MYH7: variants seen among roughly 807,000 people sequenced by gnomAD.
The protein encoded by MYH7 is myosin heavy chain 7, also known as myosin-7.
Under a neutral mutation model 225.4 loss-of-function variants are expected in MYH7, and 129 were observed. That is an observed-to-expected ratio of 0.57 (90% CI 0.50 to 0.66). MYH7 has a LOEUF of 0.66. Ranked by LOEUF, MYH7 falls within the 30% of genes least tolerant of loss-of-function variation. MYH7 has a pLI of 0.00. For missense variants in MYH7, 1,649 were observed against 2,517.0 expected, an observed-to-expected ratio of 0.66 and a Z score of 7.38; for synonymous variants, 971 against 1,007.6, an observed-to-expected ratio of 0.96 and a Z score of 0.69.
chr14:23,413,536 C>T (rs1892053920), intron 39 of MYH7, among the ~76,000 whole-genome samples: 1 of 149,030 alleles, frequency 6.7e-6, no homozygotes, highest in African/African-American at 2.5e-5. Flanking sequence ...CACTGCACTC[C>T]AGCCTGGGCG....
intron 1 of MYH7, 51 bp downstream of exon 1, chr14:23,435,569 A>G (rs1202647213): frequency 1.3e-5 from 2 of 152,372 alleles, no homozygotes. Flanking sequence ...ATCCCTTCCT[A>G]AGCCTGGAGC....
chr14:23,424,800 T>C lies in MYH7; in HGVS notation c.2648A>G (p.Glu883Gly). 1 of 1,614,190 alleles carries C rather than the reference T, an allele frequency of 6.2e-7. No homozygotes were observed. The highest frequency in any genetic ancestry group is 8.5e-7 in the Non-Finnish European group (1 of 1,180,038). ...LEEKMVSLLQ[E>G]KNDLQLQVQA... ...CACTTGGAGCTGCAGGTCATTCTTCTCCTGCAGCAGGGACACCATCTTCTC... is the reference window on the plus strand; with the variant it reads ...CACTTGGAGCTGCAGGTCATTCTTCCCCTGCAGCAGGGACACCATCTTCTC... Residue 883 changes from glutamate to glycine, a missense_variant, in exon 22 of 40, where the codon GAG (glutamate) becomes GGG (glycine). Physicochemically the swap from Glu to Gly is moderately conservative, Grantham distance 98. Around this residue, in one of 12 missense-constraint regions of MYH7, gnomAD observed 282 missense variants for 315.3 expected, o/e 0.89. Transcript: ENST00000355349.
At chr14:23,427,209 G>T (rs376685606) in intron 17 of MYH7, 31 bp downstream of exon 17, 3 of 1,611,850 alleles carry the variant, frequency 1.9e-6, no homozygotes, top group African/African-American at 1.3e-5. Context: ...CAGATGGGGA[G>T]CCAAGTTGGC....
chr14:23,420,921 A>G, intron 26 of MYH7, 37 bp downstream of exon 26: 2 of 1,539,612 alleles, frequency 1.3e-6, no homozygotes, highest in Non-Finnish European at 1.8e-6. Context: ...GAACCAGCCC[A>G]GGGACTCAGC....
At position 23,413,788 on chromosome 14, in the gene MYH7, G is replaced by C. The variant is rs539290591; in HGVS notation, c.5761C>G (p.Arg1921Gly). 6.2e-7 allele frequency: 1 copy of C among 1,614,222 alleles called. No individual in the cohort carries two copies. The highest frequency in any genetic ancestry group is 8.5e-7 in the Non-Finnish European group (1 of 1,180,046). Residue 1921 changes from arginine (R) to glycine (G), a missense_variant, in exon 39 of 40, where the codon CGG becomes GGG. By Grantham distance (125) the Arg-to-Gly change is moderately radical. This residue lies in a region of MYH7 where 687 missense variants were observed against 913.8 expected (regional missense o/e 0.75). Coordinates refer to ENST00000355349, the MANE Select transcript of MYH7 (RefSeq NM_000257.4). ...GTGCCAATGTCACGGCTCTTGGCCC[G>C]CAGCTTGTTGACCTGGGACTCGGCG... ...DIAESQVNKL[R>G]AKSRDIGTKG... is the part of the protein sequence containing the mutation.
intron 15 of MYH7, 60 bp from the exon 16 acceptor site, chr14:23,427,954 C>T: frequency 6.2e-7 from 1 of 1,602,772 alleles, no homozygotes; most frequent in African/African-American, 1.3e-5. Context: ...ATGGATTCTG[C>T]TCTATGGTCA....
At chr14:23,435,142 C>A (rs1286687915) in intron 1 of MYH7, among the ~76,000 whole-genome samples, 1 of 152,088 alleles carries the variant, frequency 6.6e-6, no homozygotes, top group African/African-American at 2.4e-5. Flanking sequence ...AGACAAGAAC[C>A]TCTGCATGCA....
At position 23,420,957 on chromosome 14, in the gene MYH7, C is replaced by G. The variant is rs1892449432; in HGVS notation, c.3336+1G>C. ...ATCCCGCGTGGGTGTCCAGACCTCA[C>G]CTGAAGCTCCTTGAGCTTCTTCTGC... On this transcript the variant is annotated splice_donor_variant, in intron 26 of 39. Transcript: ENST00000355349. LOFTEE classifies it high-confidence loss of function. 6.2e-7 allele frequency: 1 copy of G among 1,611,826 alleles called. No individual in the cohort carries two copies.
In MYH7 at chr14:23,432,021, TGATGCACA is replaced by T. The variant is rs147302843; in HGVS notation, c.531-160_531-153del. 9.7e-4 allele frequency: 784 copies of T among 811,648 alleles called. 9 individuals carry two copies. In the East Asian group the frequency reaches 0.018, roughly 19 times the overall value. 50.3% of individuals were successfully genotyped at this position (811,648 alleles called of 1,614,324 possible). On this transcript the variant is annotated intron_variant, in intron 6 of 39. Transcript: ENST00000355349. Reference sequence around the variant, plus strand: ...ACACCCAAAATCCACAACTGTCTTCTGATGCACAGAGGTCAGGGCTGGCACCAGGAAGG... The same window carrying T: ...ACACCCAAAATCCACAACTGTCTTCTGAGGTCAGGGCTGGCACCAGGAAGG...
At chr14:23,421,162 C>G in intron 25 of MYH7, 114 bp from the exon 26 acceptor site, 1 of 791,560 alleles carries the variant, frequency 1.3e-6, no homozygotes, top group Non-Finnish European at 2.2e-6. Flanking sequence ...ATTAGAAAAA[C>G]AGCTTCTGGG....
At chr14:23,430,479 C>G (rs885825) in intron 11 of MYH7, 81 bp downstream of exon 11, 3 of 1,117,314 alleles carry the variant, frequency 2.7e-6, no homozygotes, top group South Asian at 1.3e-5. Context: ...CAATGGCCAG[C>G]GTCTTAGCTC....
chr14:23,428,392 G>T (rs918773747), intron 15 of MYH7, 108 bp downstream of exon 15: 7 of 1,557,252 alleles, frequency 4.5e-6, no homozygotes, highest in African/African-American at 4.1e-5. Context: ...GGATCCTTCA[G>T]CCCCTTCTAT....
rs1380485301 is a variant in MYH7 at position 23,433,199 on chromosome 14, A to G, written c.230T>C (p.Met77Thr). The G allele has an allele frequency of 6.2e-7, 1 of 1,614,052 alleles. No individual in the cohort carries two copies. The highest frequency in any genetic ancestry group is 8.5e-7 in the Non-Finnish European group (1 of 1,180,044). Residue 77 changes from methionine (M) to threonine (T), a missense_variant, in exon 4 of 40, where the codon ATG becomes ACG. Physicochemically the swap from Met to Thr is moderately conservative, Grantham distance 81 (BLOSUM62 -1). Transcript: ENST00000355349. This position sits in a 1 kb window ranked among gnomAD's most constrained non-coding sequence, Gnocchi z 4.1. ...GTCGAACTTGGGTGGGTTCTGCTGC[A>G]TCACCTGGTCCTCCTTCACGGTCAC... ...KTVTVKEDQV[M>T]QQNPPKFDKI...
At chr14:23,418,149 G>C in intron 30 of MYH7, 61 bp downstream of exon 30, 2 of 1,610,940 alleles carry the variant, frequency 1.2e-6, no homozygotes, top group Non-Finnish European at 1.7e-6. Context: ...TGAGGCTGGG[G>C]CTGGGCTGAG....
chr14:23,422,076 T>G, intron 25 of MYH7, 104 bp downstream of exon 25: 1 of 1,557,146 alleles, frequency 6.4e-7, no homozygotes, highest in East Asian at 2.3e-5. Flanking sequence ...CCTCCACTTG[T>G]GGAGGCTGCG....
chr14:23,416,130 G>A lies in MYH7; in HGVS notation c.4827C>T (p.Asn1609=), dbSNP rs587781085. 4.0e-5 allele frequency: 65 copies of A among 1,614,190 alleles called. No individual in the cohort carries two copies. Among genetic ancestry groups the A allele is most frequent in the East Asian group, 8.9e-5 (4 of 44,876 alleles). Residue 1609 remains asparagine, a synonymous_variant, in exon 34 of 40, where the codon AAC becomes AAT. Transcript: ENST00000355349. Reference sequence around the variant, plus strand: ...TCTTCTTCTTCACCCTCAGGGCCTCGTTGCGGCTGCGTGTCTCTGCGTCCA... The same window carrying A: ...TCTTCTTCTTCACCCTCAGGGCCTCATTGCGGCTGCGTGTCTCTGCGTCCA... ...TSLDAETRSR[N]EALRVKKKME... is the part of the protein sequence containing the mutation.
Position 23,423,957 on chromosome 14 carries a change from C to T in MYH7, c.2872G>A (p.Glu958Lys), listed in dbSNP as rs2138663362. 6.2e-7 allele frequency: 1 copy of T among 1,614,198 alleles called. No individual in the cohort carries two copies. The highest frequency in any genetic ancestry group is 8.5e-7 in the Non-Finnish European group (1 of 1,180,038). Residue 958 changes from glutamate (E) to lysine (K), a missense_variant, in exon 23 of 40, where the codon GAG (glutamate) becomes AAG (lysine). Around this residue, in one of 12 missense-constraint regions of MYH7, gnomAD observed 282 missense variants for 315.3 expected, o/e 0.89. Coordinates refer to ENST00000355349, the MANE Select transcript of MYH7 (RefSeq NM_000257.4). ...TTCTCCACTTTGGCCAGTGTCAGCT[C>T]CAGATCATCGATGTCCCTTTTGAGC... is the stretch of plus-strand genomic sequence containing the variant. ...SELKRDIDDL[E>K]LTLAKVEKEK...
At position 23,433,790 on chromosome 14, in the gene MYH7, C is replaced by G. The variant is rs1428379090; in HGVS notation, c.-8-50G>C. 9 of 1,582,324 alleles carry G rather than the reference C, an allele frequency of 5.7e-6. No individual in the cohort carries two copies. On this transcript the variant is annotated intron_variant, in intron 2 of 39. Coordinates refer to ENST00000355349, the MANE Select transcript of MYH7 (RefSeq NM_000257.4). This position sits in a 1 kb window ranked among gnomAD's most constrained non-coding sequence, Gnocchi z 4.1. ...CCTCCCATCTGCCCATTCTTCCCTT[C>G]CCTCCCTGGGCTCTCCCCTTCAGTG...
Position 23,422,919 on chromosome 14 carries a change from G to A in MYH7, c.3100-594C>T, listed in dbSNP as rs142378969. Among the ~76,000 whole-genome samples the A allele has an allele frequency of 9.9e-3, 1,506 of 152,290 alleles. 26 individuals carry two copies. The highest frequency in any genetic ancestry group is 0.034 in the African/African-American group (1,410 of 41,552). On this transcript the variant is annotated intron_variant, in intron 24 of 39. Coordinates refer to ENST00000355349, the MANE Select transcript of MYH7 (RefSeq NM_000257.4). ...GCTGGGATTACAGGTGTGAGCCACC[G>A]CGGCTGGCCGCCGTATTCATTCTTT...
Sources: allele counts gnomAD v4.1 joint callset (sites outside exome capture counted in the v4.1 genomes callset), GRCh38; gene constraint gnomAD v4.1.1; regional missense constraint gnomAD v4.1.1; non-coding constraint Gnocchi (gnomAD v3.1); transcripts MANE v1.5; gene names NCBI Gene and HGNC (gene_info 2026-07-23, HGNC 2026-07-21).